Variants in RBFOX1 observed in about 807,000 individuals in gnomAD.
RBFOX1 encodes RNA binding protein fox-1 homolog 1.
In RBFOX1, 8 loss-of-function variants were observed where a neutral mutation model predicts 57.7. The ratio of observed to expected loss-of-function variants is 0.14; its 90% confidence interval spans 0.08 to 0.25. The LOEUF is 0.25. Among genes scored for constraint, RBFOX1 ranks in the 10% least tolerant of loss-of-function variants. The probability of loss-of-function intolerance (pLI) is 1.00; values close to 1 mark genes in which losing one functional copy is unlikely to be tolerated. For missense variants in RBFOX1, 611 were observed against 548.5 expected (o/e 1.11, Z -1.14); for synonymous variants, 326 against 222.4 (o/e 1.47, Z -4.15).
At chr16:6,940,565 G>A (rs1042535290) in intron 3 of RBFOX1, among the ~76,000 whole-genome samples, 8 of 152,018 alleles carry the variant, frequency 5.3e-5, no homozygotes, top group African/African-American at 1.4e-4. Context: ...TTGGAGAGAA[G>A]CAAAAAATTG....
At chr16:5,951,735 C>T (rs2059524153) in intron 4 of RBFOX1, among the ~76,000 whole-genome samples, 1 of 152,064 alleles carries the variant, frequency 6.6e-6, no homozygotes, top group Non-Finnish European at 1.5e-5. Flanking sequence ...CATCCTTCTC[C>T]CTTACTTACT....
chr16:7,495,192 C>T (rs1246973195), intron 4 of RBFOX1, among the ~76,000 whole-genome samples: 7 of 152,078 alleles, frequency 4.6e-5, no homozygotes, highest in Non-Finnish European at 8.8e-5. Flanking sequence ...TGTAGATATA[C>T]CACATTTTCT....
intron 2 of RBFOX1, among the ~76,000 whole-genome samples, chr16:6,494,806 A>T (rs572701038): frequency 6.6e-6 from 1 of 152,328 alleles, no homozygotes; most frequent in East Asian, 1.9e-4. Context: ...GAAAAAAGAA[A>T]ATTGTACCCA....
chr16:6,188,864 A>T (rs2097124278), intron 1 of RBFOX1, among the ~76,000 whole-genome samples: 1 of 151,480 alleles, frequency 6.6e-6, no homozygotes, highest in African/African-American at 2.4e-5. Flanking sequence ...CATTGCCAAA[A>T]GTAGTAGTGG....
chr16:6,095,844 A>G (rs1315472353), intron 1 of RBFOX1, among the ~76,000 whole-genome samples: 1 of 152,202 alleles, frequency 6.6e-6, no homozygotes, highest in Non-Finnish European at 1.5e-5. Context: ...ACAAATATGA[A>G]GGTAGGCCCA....
chr16:5,983,203 A>T (rs965855629), intron 4 of RBFOX1, among the ~76,000 whole-genome samples: 1 of 152,102 alleles, frequency 6.6e-6, no homozygotes, highest in Non-Finnish European at 1.5e-5. Context: ...GGCCACGGGG[A>T]ATTAGGGATG....
At chr16:6,556,993 ATACATATAT>A (rs2097107013) in intron 2 of RBFOX1, among the ~76,000 whole-genome samples, 1 of 40,302 alleles carries the variant, frequency 2.5e-5, no homozygotes, top group African/African-American at 6.1e-5. Flanking sequence ...GTATATATAC[ATACATATAT>A]ATACATATAT....
intron 3 of RBFOX1, among the ~76,000 whole-genome samples, chr16:6,779,090 G>C (rs2079894070): frequency 6.6e-6 from 1 of 151,964 alleles, no homozygotes; most frequent in Non-Finnish European, 1.5e-5. Context: ...TATTGTGCTA[G>C]TGAATACTGG....
intron 1 of RBFOX1, among the ~76,000 whole-genome samples, chr16:6,106,709 C>T (rs112003832): frequency 6.6e-6 from 1 of 151,900 alleles, no homozygotes; most frequent in Admixed American, 6.6e-5. Flanking sequence ...GCTCTGTTGC[C>T]CAGGGTGGAG....
At chr16:7,454,300 C>G (rs950650746) in intron 4 of RBFOX1, among the ~76,000 whole-genome samples, 9 of 152,180 alleles carry the variant, frequency 5.9e-5, no homozygotes, top group African/African-American at 2.2e-4. Context: ...AAGGAAGATG[C>G]CCAGGATCGG....
intron 4 of RBFOX1, among the ~76,000 whole-genome samples, chr16:7,406,800 T>A (rs937249163): frequency 6.6e-6 from 1 of 152,222 alleles, no homozygotes; most frequent in East Asian, 1.9e-4. Context: ...TGTACTAAAC[T>A]TGAGGCTTCT....
chr16:5,376,172 GA>G (rs796746799), intron 1 of RBFOX1, among the ~76,000 whole-genome samples: 5,740 of 99,364 alleles, frequency 0.058, 331 homozygotes, highest in African/African-American at 0.18. Flanking sequence ...TGTCTCAAAA[GA>G]AAAAAAAAAA....
intron 2 of RBFOX1, among the ~76,000 whole-genome samples, chr16:5,473,066 C>T (rs970266971): frequency 2.2e-4 from 34 of 152,214 alleles, no homozygotes; most frequent in African/African-American, 7.5e-4. Flanking sequence ...GATGTCCCTC[C>T]TCCCGAGGAG....
At chr16:5,990,885 A>G (rs2060381038) in intron 4 of RBFOX1, among the ~76,000 whole-genome samples, 1 of 151,992 alleles carries the variant, frequency 6.6e-6, no homozygotes, top group Non-Finnish European at 1.5e-5. Context: ...GAGGCAGGAG[A>G]CTCGCTTGAA....
chr16:6,858,576 G>C (rs982066432), intron 3 of RBFOX1, among the ~76,000 whole-genome samples: 1 of 152,100 alleles, frequency 6.6e-6, no homozygotes, highest in Non-Finnish European at 1.5e-5. Context: ...TAAAATAGCA[G>C]AGTTTTCTGA....
At chr16:7,183,800 G>A (rs77557403) in intron 4 of RBFOX1, among the ~76,000 whole-genome samples, 4,299 of 152,316 alleles carry the variant, frequency 0.028, 102 homozygotes, top group Admixed American at 0.053. Flanking sequence ...GGTTCAGCAA[G>A]GAGCTATTTA....
At chr16:7,587,687 G>A (rs539734378) in intron 7 of RBFOX1, among the ~76,000 whole-genome samples, 1 of 152,222 alleles carries the variant, frequency 6.6e-6, no homozygotes, top group African/African-American at 2.4e-5. Flanking sequence ...TTATTTTCCT[G>A]GGTTGTAGGG....
At chr16:6,456,756 A>C (rs1211432144) in intron 2 of RBFOX1, among the ~76,000 whole-genome samples, 1 of 152,208 alleles carries the variant, frequency 6.6e-6, no homozygotes, top group Non-Finnish European at 1.5e-5. Flanking sequence ...GACACAGAGC[A>C]AGATAAACTA....
At chr16:6,206,762 G>A (rs1302087256) in intron 1 of RBFOX1, among the ~76,000 whole-genome samples, 1 of 152,132 alleles carries the variant, frequency 6.6e-6, no homozygotes, top group East Asian at 1.9e-4. Flanking sequence ...AATACCAGAA[G>A]GTGCAGCAGG....
Sources: allele counts gnomAD v4.1 joint callset (sites outside exome capture counted in the v4.1 genomes callset), GRCh38; gene constraint gnomAD v4.1.1; transcripts MANE v1.5; gene names NCBI Gene and HGNC (gene_info 2026-07-23, HGNC 2026-07-21).